Variants in NT5C2 observed in about 807,000 individuals in gnomAD.
NT5C2 encodes 5'-nucleotidase, cytosolic II.
In NT5C2, 58 loss-of-function variants were observed where a neutral mutation model predicts 76.1. That is an observed-to-expected ratio of 0.76 (90% confidence interval 0.62 to 0.95). The LOEUF (loss-of-function observed/expected upper bound fraction) is 0.95, where lower values mean the gene tolerates loss of function less well. NT5C2 is among the 40% of genes least tolerant of loss of function. NT5C2 has a pLI of 0.00. For missense variants in NT5C2, 478 were observed against 690.3 expected, an observed-to-expected ratio of 0.69 and a Z score of 3.45; for synonymous variants, 229 against 237.4, an observed-to-expected ratio of 0.96 and a Z score of 0.32.
chr10:103,094,297 A>G (rs767847898), intron 13 of NT5C2, 51 bp downstream of exon 13: 1 of 1,197,472 alleles, frequency 8.4e-7, no homozygotes, highest in Non-Finnish European at 1.2e-6. Flanking sequence ...TGGGGGAAGG[A>G]GAAACATTAA....
intron 3 of NT5C2, among the ~76,000 whole-genome samples, chr10:103,167,267 C>G (rs2086644899): frequency 6.6e-6 from 1 of 152,146 alleles, no homozygotes; most frequent in Non-Finnish European, 1.5e-5. Flanking sequence ...AGCCACCCAC[C>G]TCGGCCTCCC....
At chr10:103,094,269 C>T in intron 13 of NT5C2, 79 bp downstream of exon 13, 1 of 992,022 alleles carries the variant, frequency 1.0e-6, no homozygotes, top group African/African-American at 1.6e-5. Context: ...ATTCCTGTTT[C>T]CTTATGTAGA....
chr10:103,175,001 A>T lies in NT5C2; in HGVS notation c.-24-19T>A, dbSNP rs762836511. 1.0e-5 allele frequency: 14 copies of T among 1,371,140 alleles called. No homozygotes were observed. Among genetic ancestry groups the T allele is most frequent in the African/African-American group, 4.3e-5 (3 of 70,560 alleles). 84.9% of individuals were successfully genotyped at this position (1,371,140 alleles called of 1,614,324 possible). A position where few individuals can be genotyped will look rare whatever the true frequency, so the allele number is the denominator to read the frequency against. On this transcript the variant is annotated intron_variant, in intron 2 of 18. Coordinates refer to ENST00000404739, the MANE Select transcript of NT5C2 (RefSeq NM_001351169.2). ...TTGTATTCTAGAAAAGAAAATCATT[A>T]ATTTAGTAACTTAATATTGGCATCT... is the stretch of plus-strand genomic sequence containing the variant.
intron 1 of NT5C2, among the ~76,000 whole-genome samples, chr10:103,185,234 A>G (rs1020565183): frequency 1.3e-5 from 2 of 152,160 alleles, no homozygotes; most frequent in Non-Finnish European, 2.9e-5. Context: ...ACGTTGCCAT[A>G]ATTAACTGAG....
chr10:103,123,848 G>GA (rs2076172420), intron 4 of NT5C2, among the ~76,000 whole-genome samples: 1 of 109,362 alleles, frequency 9.1e-6, no homozygotes, highest in Admixed American at 9.1e-5. Context: ...CTTCGAAATT[G>GA]GGGGGGGAAA....
rs1424252637 is a variant in NT5C2 at position 103,150,808 on chromosome 10, C to CAA, written c.102-11330_102-11329insTT. ...TTTGCCCGTTTTTAAACTGGGCTGTCTTATTATTGAATTACAAGAGTTCTT... is the reference window on the plus strand; with the variant it reads ...TTTGCCCGTTTTTAAACTGGGCTGTCAATTATTATTGAATTACAAGAGTTCTT... On this transcript the variant is annotated intron_variant, in intron 3 of 18. Coordinates refer to ENST00000404739, the MANE Select transcript of NT5C2 (RefSeq NM_001351169.2). Among the ~76,000 whole-genome samples, 18 of 152,112 alleles carry CAA rather than the reference C, an allele frequency of 1.2e-4. 1 individual carries two copies. The highest frequency in any genetic ancestry group is 2.6e-4 in the Non-Finnish European group (18 of 68,020).
At chr10:103,131,551 C>A (rs2078171468) in intron 4 of NT5C2, among the ~76,000 whole-genome samples, 1 of 152,204 alleles carries the variant, frequency 6.6e-6, no homozygotes, top group African/African-American at 2.4e-5. Flanking sequence ...CTAGAAGGTG[C>A]TTTCTATGAA....
At chr10:103,101,863 A>G (rs2069791723) in intron 6 of NT5C2, among the ~76,000 whole-genome samples, 1 of 152,190 alleles carries the variant, frequency 6.6e-6, no homozygotes, top group African/African-American at 2.4e-5. Context: ...GTGCTGGTAT[A>G]TGAGCTGGGC....
At chr10:103,163,400 G>A (rs1181423617) in intron 3 of NT5C2, among the ~76,000 whole-genome samples, 1 of 152,162 alleles carries the variant, frequency 6.6e-6, no homozygotes. Flanking sequence ...CACGAGCAAT[G>A]TATGAGAAGT....
At chr10:103,125,312 G>T in intron 4 of NT5C2, 5 of 479,190 alleles carry the variant, frequency 1.0e-5, no homozygotes, top group Admixed American at 2.8e-5. Context: ...AAAAAAAAAA[G>T]ACAATGACTT....
intron 4 of NT5C2, among the ~76,000 whole-genome samples, chr10:103,118,833 T>C (rs1049006846): frequency 6.6e-6 from 1 of 152,158 alleles, no homozygotes; most frequent in Non-Finnish European, 1.5e-5. Context: ...TCATCTCTTT[T>C]TGGAGAGGGA....
chr10:103,106,452 C>T (rs1245636576), intron 5 of NT5C2, 137 bp downstream of exon 5: 1 of 651,240 alleles, frequency 1.5e-6, no homozygotes, highest in Non-Finnish European at 2.7e-6. Context: ...CAACATCAAC[C>T]AACCAAAAAA....
intron 3 of NT5C2, chr10:103,169,465 A>G (rs2087271084): frequency 6.6e-6 from 1 of 152,088 alleles, no homozygotes; most frequent in African/African-American, 2.4e-5. Flanking sequence ...AAAACAATAC[A>G]AAGATTAGAC....
intron 3 of NT5C2, among the ~76,000 whole-genome samples, chr10:103,147,515 C>A (rs2081682938): frequency 6.6e-6 from 1 of 152,202 alleles, no homozygotes. Context: ...CTCTGGGTCT[C>A]ATTACTTTTC....
chr10:103,173,553 C>A (rs2088854981), intron 3 of NT5C2, among the ~76,000 whole-genome samples: 1 of 148,474 alleles, frequency 6.7e-6, no homozygotes, highest in Non-Finnish European at 1.5e-5. Context: ...GGAGACGGAG[C>A]CTGCAGTGAG....
intron 3 of NT5C2, among the ~76,000 whole-genome samples, chr10:103,167,874 T>C (rs2086808692): frequency 6.6e-6 from 1 of 152,070 alleles, no homozygotes; most frequent in Non-Finnish European, 1.5e-5. Context: ...CAATGAGCCA[T>C]CCACCCGCCT....
chr10:103,131,928 GA>G (rs894505784), intron 4 of NT5C2, among the ~76,000 whole-genome samples: 17 of 146,646 alleles, frequency 1.2e-4, no homozygotes, highest in African/African-American at 2.5e-4. Flanking sequence ...TCTCAAAAGA[GA>G]AAAAAAAAAT....
At chr10:103,100,961 AG>A in intron 8 of NT5C2, 83 bp downstream of exon 8, 1 of 822,776 alleles carries the variant, frequency 1.2e-6, no homozygotes, top group Middle Eastern at 2.3e-4. Flanking sequence ...AAAGCAGAAA[AG>A]ACCTACAATG....
chr10:103,179,147 C>A (rs1360532075), intron 2 of NT5C2, among the ~76,000 whole-genome samples: 1 of 151,020 alleles, frequency 6.6e-6, no homozygotes, highest in Non-Finnish European at 1.5e-5. Context: ...CGGAGTTTCA[C>A]CATGTTGGTC....
Sources: gnomAD v4.1 joint callset for allele counts (sites outside exome capture counted in the v4.1 genomes callset) on GRCh38, gnomAD v4.1.1 for gene constraint, MANE v1.5 for transcripts, NCBI Gene and HGNC (gene_info 2026-07-23, HGNC 2026-07-21) for gene names.